The following PTPRM variants were observed in gnomAD, a reference collection of about 807,000 sequenced individuals.
The protein encoded by PTPRM is receptor-type tyrosine-protein phosphatase mu.
Under a neutral mutation model 186.7 loss-of-function variants are expected in PTPRM, and 47 were observed. That is an observed-to-expected ratio of 0.25 (90% confidence interval 0.20 to 0.32). PTPRM has a LOEUF of 0.32. Among genes scored for constraint, PTPRM ranks in the 10% least tolerant of loss-of-function variants. The pLI, the probability that PTPRM is intolerant of heterozygous loss-of-function variation, is 1.00. For synonymous variants in PTPRM, 668 were observed against 674.9 expected (o/e 0.99, Z 0.16); for missense variants, 1,494 against 1,865.0 (o/e 0.80, Z 3.66).
At chr18:7,688,113 C>T (rs1003268791) in intron 1 of PTPRM, among the ~76,000 whole-genome samples, 1 of 152,082 alleles carries the variant, frequency 6.6e-6, no homozygotes, top group Non-Finnish European at 1.5e-5. Flanking sequence ...TCTAGTCGTG[C>T]CTTCATGGAG....
At chr18:8,217,045 TTCTA>T (rs2147027793) in intron 14 of PTPRM, among the ~76,000 whole-genome samples, 1 of 152,360 alleles carries the variant, frequency 6.6e-6, no homozygotes, top group East Asian at 1.9e-4. Context: ...CCCTAGAAAT[TTCTA>T]TCTCTTTCAT....
In PTPRM at chr18:8,376,073, A is replaced by G; in HGVS notation, c.3199A>G (p.Arg1067Gly). 1 of 1,613,236 alleles carries G rather than the reference A, an allele frequency of 6.2e-7. No homozygotes were observed. Among genetic ancestry groups the G allele is most frequent in the Non-Finnish European group, 8.5e-7 (1 of 1,179,232 alleles). The change falls in exon 25 of 33, where the codon AGA becomes GGA. Residue 1067 changes from arginine to glycine, a missense_variant. By Grantham distance (125) the Arg-to-Gly change is moderately radical (BLOSUM62 -2). Coordinates refer to ENST00000580170, the MANE Select transcript of PTPRM (RefSeq NM_001105244.2). ...KRGVHEIREI[R>G]QFHFTGWPDH... ...AGGTGTGCATGAAATCCGAGAGATC[A>G]GACAGTTTCACTTCACTGGCTGGCC...
Position 8,394,507 on chromosome 18 carries a change from G to A in PTPRM, c.4240G>A (p.Ala1414Thr), listed in dbSNP as rs142178302. The change falls in exon 32 of 33, where the codon GCC becomes ACC. Residue 1414 changes from alanine (A) to threonine (T), a missense_variant. By Grantham distance (58) the Ala-to-Thr change is moderately conservative. Coordinates refer to ENST00000580170, the MANE Select transcript of PTPRM (RefSeq NM_001105244.2). ...GGGAGGCCGCAGTGGGACGTTCTGC[G>A]CCATCAGCATCGTATGTGAGATGCT... is the stretch of plus-strand genomic sequence containing the variant. ...NGGGRSGTFCAISIVCEMLRH... is the reference protein window; with the variant it reads ...NGGGRSGTFCTISIVCEMLRH... The A allele has an allele frequency of 1.3e-4, 210 of 1,613,196 alleles. 1 individual carries two copies. The highest frequency in any genetic ancestry group is 9.2e-4 in the East Asian group (41 of 44,804).
chr18:7,946,669 A>G (rs902801307), intron 5 of PTPRM, among the ~76,000 whole-genome samples: 4 of 152,186 alleles, frequency 2.6e-5, no homozygotes, highest in African/African-American at 9.7e-5. Context: ...GCTGTCTATG[A>G]GAACAAATTT....
chr18:7,945,147 C>A (rs1054322652), intron 5 of PTPRM, among the ~76,000 whole-genome samples: 1 of 152,036 alleles, frequency 6.6e-6, no homozygotes, highest in African/African-American at 2.4e-5. Context: ...ATGCCCTATG[C>A]TGCCTCAGGA....
At chr18:7,801,339 T>A (rs545196319) in intron 2 of PTPRM, among the ~76,000 whole-genome samples, 1 of 152,304 alleles carries the variant, frequency 6.6e-6, no homozygotes, top group Admixed American at 6.5e-5. Context: ...TGTTAAAAAG[T>A]AAGACCAAAC....
At chr18:8,024,681 C>CTTTTTTTTTT (rs397724573) in intron 7 of PTPRM, among the ~76,000 whole-genome samples, 1 of 124,834 alleles carries the variant, frequency 8.0e-6, no homozygotes, top group Non-Finnish European at 1.6e-5. Context: ...AAACCCAAAT[C>CTTTTTTTTTT]TTTTTTTTTT....
At chr18:8,344,280 C>T (rs115490472) in intron 23 of PTPRM, among the ~76,000 whole-genome samples, 320 of 151,858 alleles carry the variant, frequency 2.1e-3, no homozygotes, top group African/African-American at 7.6e-3. Flanking sequence ...GAGACAGGAG[C>T]CATAAAGGGT....
intron 1 of PTPRM, among the ~76,000 whole-genome samples, chr18:7,748,753 A>G (rs2041067109): frequency 6.6e-6 from 1 of 152,122 alleles, no homozygotes. Context: ...ATCTCCCCCC[A>G]AATCCTCCTT....
chr18:7,608,343 C>T (rs995967190), intron 1 of PTPRM, among the ~76,000 whole-genome samples: 12 of 152,170 alleles, frequency 7.9e-5, no homozygotes, highest in African/African-American at 1.9e-4. Flanking sequence ...AGAACAAAGA[C>T]GGTTTCTACT....
At chr18:7,926,830 TA>T (rs1004850670) in intron 5 of PTPRM, 147 bp downstream of exon 5, 2 of 478,520 alleles carry the variant, frequency 4.2e-6, no homozygotes, top group African/African-American at 4.0e-5. Context: ...TAGTAATCTA[TA>T]AAAGCTAATT....
At chr18:8,057,886 C>T in intron 7 of PTPRM, among the ~76,000 whole-genome samples, 1 of 11,866 alleles carries the variant, frequency 8.4e-5, no homozygotes, top group Non-Finnish European at 1.5e-4. Flanking sequence ...CAAGTCTTTG[C>T]TATTGTGAAT....
intron 14 of PTPRM, among the ~76,000 whole-genome samples, chr18:8,206,283 C>T (rs2093929713): frequency 1.1e-5 from 1 of 89,572 alleles, no homozygotes; most frequent in African/African-American, 4.8e-5. Context: ...GAGACGGAGT[C>T]TTGCACTGTC....
chr18:7,945,249 T>A (rs2052442715), intron 5 of PTPRM, among the ~76,000 whole-genome samples: 1 of 150,744 alleles, frequency 6.6e-6, no homozygotes, highest in Non-Finnish European at 1.5e-5. Context: ...GTCAGGAGAT[T>A]GAGACCATCC....
At chr18:7,868,530 G>A (rs1016503050) in intron 2 of PTPRM, among the ~76,000 whole-genome samples, 7 of 152,322 alleles carry the variant, frequency 4.6e-5, no homozygotes, top group Admixed American at 1.3e-4. Flanking sequence ...AGTGGAGGCT[G>A]CAGAACAGCA....
chr18:8,329,619 AT>A (rs761994897), intron 22 of PTPRM, among the ~76,000 whole-genome samples: 25 of 152,224 alleles, frequency 1.6e-4, no homozygotes, highest in Admixed American at 6.5e-4. Context: ...AGCCTGGTTC[AT>A]TCAAAATTGA....
intron 7 of PTPRM, among the ~76,000 whole-genome samples, chr18:7,977,929 G>GA (rs1346924424): frequency 1.3e-5 from 2 of 152,122 alleles, no homozygotes; most frequent in Non-Finnish European, 2.9e-5. Context: ...ATACTTGAAA[G>GA]AAAAAAACTG....
intron 14 of PTPRM, among the ~76,000 whole-genome samples, chr18:8,168,417 G>A (rs1600966056): frequency 6.6e-6 from 1 of 152,118 alleles, no homozygotes; most frequent in Non-Finnish European, 1.5e-5. Context: ...TCATAAATAT[G>A]TAAAATTAAA....
chr18:7,870,482 A>G (rs965115507), intron 2 of PTPRM, among the ~76,000 whole-genome samples: 2 of 152,190 alleles, frequency 1.3e-5, no homozygotes, highest in African/African-American at 4.8e-5. Flanking sequence ...CTGTGAGTCA[A>G]CTGAATAAAT....
Sources: gnomAD v4.1 joint callset for allele counts (sites outside exome capture counted in the v4.1 genomes callset) on GRCh38, gnomAD v4.1.1 for gene constraint, MANE v1.5 for transcripts, NCBI Gene and HGNC (gene_info 2026-07-23, HGNC 2026-07-21) for gene names.